Variants in ZC4H2 observed in about 807,000 individuals in gnomAD.
ZC4H2 encodes zinc finger C4H2-type containing.
For missense variants in ZC4H2, 137 were observed against 173.9 expected, an observed-to-expected ratio of 0.79 and a Z score of 1.19; for synonymous variants, 84 against 66.3, an observed-to-expected ratio of 1.27 and a Z score of -1.30.
At chrX:65,004,727 GC>G (rs201955613) in intron 1 of ZC4H2, among the ~76,000 whole-genome samples, 9,185 of 111,601 alleles carry the variant, frequency 0.082, 1,021 homozygotes, top group African/African-American at 0.29. Context: ...GGAAGTTCTG[GC>G]CAGGGCAATC....
chrX:64,919,364 C>T (rs1283303099), intron 3 of ZC4H2, 160 bp from the exon 4 acceptor site: 3 of 523,616 alleles, frequency 5.7e-6, no homozygotes, highest in Non-Finnish European at 9.1e-6. Context: ...GGGTACTAGG[C>T]CCAATGTCTG....
intron 1 of ZC4H2, among the ~76,000 whole-genome samples, chrX:65,011,775 GTGCAATCTTGGCTCAC>G (rs1463620985): frequency 9.2e-6 from 1 of 109,025 alleles, no homozygotes; most frequent in Non-Finnish European, 1.9e-5. Context: ...AAGTGCAGTG[GTGCAATCTTGGCTCAC>G]TGCAACCTCC....
At chrX:65,016,647 A>T (rs756676744) in intron 1 of ZC4H2, among the ~76,000 whole-genome samples, 2 of 111,473 alleles carry the variant, frequency 1.8e-5, no homozygotes, top group South Asian at 3.8e-4. Flanking sequence ...ATTCTGCCTT[A>T]CTCTTAATTC....
At chrX:65,016,293 G>T (rs1209838164) in intron 1 of ZC4H2, among the ~76,000 whole-genome samples, 1 of 111,605 alleles carries the variant, frequency 9.0e-6, no homozygotes, top group Admixed American at 9.6e-5. Flanking sequence ...ACCTGGGGAA[G>T]CTTATGGAAA....
chrX:65,000,493 A>G (rs749896512), intron 1 of ZC4H2, among the ~76,000 whole-genome samples: 98 of 112,088 alleles, frequency 8.7e-4, no homozygotes, highest in African/African-American at 3.0e-3. Context: ...CCAGCGCAAA[A>G]AGTCTGAAAA....
At chrX:64,934,111 G>A (rs1244892743) in intron 1 of ZC4H2, among the ~76,000 whole-genome samples, 2 of 112,106 alleles carry the variant, frequency 1.8e-5, no homozygotes, top group African/African-American at 6.5e-5. Flanking sequence ...TCAGCAGAGA[G>A]ACCTGGGAGA....
intron 1 of ZC4H2, among the ~76,000 whole-genome samples, chrX:64,965,089 C>T (rs1931540857): frequency 8.9e-6 from 1 of 111,859 alleles, no homozygotes; most frequent in African/African-American, 3.2e-5. Flanking sequence ...TATTTCATTA[C>T]ACACTGGTGA....
intron 1 of ZC4H2, among the ~76,000 whole-genome samples, chrX:64,954,356 TTATA>T (rs777562741): frequency 8.9e-5 from 6 of 67,425 alleles, no homozygotes; most frequent in Non-Finnish European, 1.4e-4. Flanking sequence ...ATATATATAA[TTATA>T]TATATATATA....
chrX:64,999,138 G>A (rs761913563), intron 1 of ZC4H2, among the ~76,000 whole-genome samples: 1 of 106,216 alleles, frequency 9.4e-6, no homozygotes, highest in East Asian at 3.0e-4. Flanking sequence ...TAATTACTGG[G>A]GTGGCTGGCA....
At chrX:65,028,801 C>A (rs1006563628) in intron 1 of ZC4H2, among the ~76,000 whole-genome samples, 7 of 111,741 alleles carry the variant, frequency 6.3e-5, no homozygotes, top group Non-Finnish European at 9.4e-5. Context: ...AGATTACAGG[C>A]ATGAGCCACT....
At chrX:64,971,660 G>A (rs773690217) in intron 1 of ZC4H2, among the ~76,000 whole-genome samples, 5 of 111,636 alleles carry the variant, frequency 4.5e-5, no homozygotes, top group African/African-American at 1.6e-4. Flanking sequence ...GCTGTCATAT[G>A]TATGGGCTAA....
At chrX:64,978,968 T>C (rs1427574606), upstream of ZC4H2, among the ~76,000 whole-genome samples, 1 of 111,838 alleles carries the variant, frequency 8.9e-6, no homozygotes, top group African/African-American at 3.3e-5. Flanking sequence ...CCACTGACTA[T>C]GTTCACACAT....
At chrX:64,947,325 T>G (rs1930583108) in intron 1 of ZC4H2, among the ~76,000 whole-genome samples, 1 of 111,762 alleles carries the variant, frequency 8.9e-6, no homozygotes, top group Non-Finnish European at 1.9e-5. Context: ...CTGGGTGAAG[T>G]GTTCTATAAA....
chrX:64,934,117 G>C (rs1438456867), intron 1 of ZC4H2, among the ~76,000 whole-genome samples: 2 of 111,997 alleles, frequency 1.8e-5, no homozygotes, highest in Non-Finnish European at 3.8e-5. Context: ...GAGAGACCTG[G>C]GAGAGAAGAC....
At chrX:65,025,575 G>T (rs1215754785) in intron 1 of ZC4H2, among the ~76,000 whole-genome samples, 1 of 111,365 alleles carries the variant, frequency 9.0e-6, no homozygotes, top group African/African-American at 3.3e-5. Flanking sequence ...GTGGGATTAG[G>T]GAAAGCAAGA....
intron 1 of ZC4H2, among the ~76,000 whole-genome samples, chrX:64,935,007 G>A (rs1929933531): frequency 9.0e-6 from 1 of 110,530 alleles, no homozygotes; most frequent in Non-Finnish European, 1.9e-5. Flanking sequence ...AGCGGCTGAA[G>A]CCAGGGAGCC....
Position 64,926,884 on chromosome X carries a change from G to A in ZC4H2, c.54-4896C>T, listed in dbSNP as rs1226048942. On this transcript the variant is annotated intron_variant, in intron 1 of 4. Coordinates refer to ENST00000374839, the MANE Select transcript of ZC4H2 (RefSeq NM_018684.4). Reference sequence around the variant, plus strand: ...AGGGCTGACTGTAAGATTGAGTATGGATATGTGCAAATTTTGGTACAGGTA... The same window carrying A: ...AGGGCTGACTGTAAGATTGAGTATGAATATGTGCAAATTTTGGTACAGGTA... Among the ~76,000 whole-genome samples, 3 of 111,633 alleles carry A rather than the reference G, an allele frequency of 2.7e-5. 1 individual carries two copies. In the South Asian group the frequency reaches 1.1e-3, roughly 42 times the overall value.
intron 1 of ZC4H2, among the ~76,000 whole-genome samples, chrX:64,994,479 A>T (rs1932371958): frequency 8.9e-6 from 1 of 112,148 alleles, no homozygotes; most frequent in African/African-American, 3.2e-5. Context: ...ATTCTTAGGG[A>T]TCCATGAAAA....
chrX:64,951,974 C>T (rs1023319758), intron 1 of ZC4H2, among the ~76,000 whole-genome samples: 17 of 111,096 alleles, frequency 1.5e-4, no homozygotes, highest in Non-Finnish European at 2.3e-4. Flanking sequence ...AATTGATTTT[C>T]GTATAAGGTA....
Sources: gnomAD v4.1 joint callset for allele counts (sites outside exome capture counted in the v4.1 genomes callset) on GRCh38, gnomAD v4.1.1 for gene constraint, MANE v1.5 for transcripts, NCBI Gene and HGNC (gene_info 2026-07-23, HGNC 2026-07-21) for gene names.